Variants in PTPRD observed in about 807,000 individuals in gnomAD.
PTPRD encodes receptor-type tyrosine-protein phosphatase delta.
In PTPRD, 34 loss-of-function variants were observed where a neutral mutation model predicts 214.5. That is an observed-to-expected ratio of 0.16 (90% CI 0.12 to 0.21). PTPRD has a LOEUF of 0.21. PTPRD is among the 10% of genes least tolerant of loss of function. The pLI is 1.00. For missense variants in PTPRD, 2,545 were observed against 2,398.7 expected (o/e 1.06, Z -1.27); for synonymous variants, 1,128 against 845.7 (o/e 1.33, Z -5.79).
chr9:9,089,244 T>G (rs749695558), intron 10 of PTPRD, among the ~76,000 whole-genome samples: 6 of 152,178 alleles, frequency 3.9e-5, no homozygotes, highest in Admixed American at 3.9e-4. Flanking sequence ...GAATAAATAT[T>G]TTAGGCCTTA....
intron 3 of PTPRD, among the ~76,000 whole-genome samples, chr9:10,178,263 A>C (rs2099261073): frequency 6.6e-6 from 1 of 151,922 alleles, no homozygotes; most frequent in African/African-American, 2.4e-5. Context: ...ACTCACTTAG[A>C]GGTATAAAAT....
At chr9:8,762,310 A>C (rs1264956685) in intron 11 of PTPRD, among the ~76,000 whole-genome samples, 1 of 152,218 alleles carries the variant, frequency 6.6e-6, no homozygotes, top group African/African-American at 2.4e-5. Context: ...TCCTACTGAC[A>C]GTATAAAAGA....
intron 2 of PTPRD, among the ~76,000 whole-genome samples, chr9:10,585,543 A>C (rs115996260): frequency 6.6e-6 from 1 of 152,104 alleles, no homozygotes; most frequent in Non-Finnish European, 1.5e-5. Flanking sequence ...TGGTGGGGAA[A>C]TCTCACATCA....
At chr9:8,642,965 G>A (rs958287714) in intron 12 of PTPRD, among the ~76,000 whole-genome samples, 1 of 152,110 alleles carries the variant, frequency 6.6e-6, no homozygotes, top group African/African-American at 2.4e-5. Context: ...GATACCACCT[G>A]GGGTAGCTTC....
At chr9:9,161,967 A>AT (rs757926109) in intron 10 of PTPRD, among the ~76,000 whole-genome samples, 67 of 151,586 alleles carry the variant, frequency 4.4e-4, no homozygotes, top group Middle Eastern at 3.4e-3. Context: ...TCATTTTAAG[A>AT]TTTTTTTTTG....
chr9:10,566,692 A>T (rs960383624), intron 2 of PTPRD, among the ~76,000 whole-genome samples: 1 of 151,938 alleles, frequency 6.6e-6, no homozygotes, highest in Non-Finnish European at 1.5e-5. Context: ...TTTTAATGCA[A>T]CTGAAGTCAG....
At chr9:8,988,889 A>G (rs1380179278) in intron 11 of PTPRD, among the ~76,000 whole-genome samples, 1 of 152,138 alleles carries the variant, frequency 6.6e-6, no homozygotes, top group Non-Finnish European at 1.5e-5. Context: ...TAGAGATATC[A>G]TTCAGAAGAA....
intron 39 of PTPRD, among the ~76,000 whole-genome samples, chr9:8,359,612 G>C (rs1588621478): frequency 1.3e-5 from 2 of 152,174 alleles, no homozygotes; most frequent in East Asian, 3.9e-4. Context: ...AGGATTATAG[G>C]CGTGAGCCAC....
chr9:9,220,643 G>A (rs1006925051), intron 9 of PTPRD, among the ~76,000 whole-genome samples: 4 of 152,016 alleles, frequency 2.6e-5, no homozygotes, highest in Non-Finnish European at 4.4e-5. Flanking sequence ...TTTGCATTTC[G>A]GGGGGTTGAA....
intron 6 of PTPRD, among the ~76,000 whole-genome samples, chr9:9,764,029 C>T (rs938012612): frequency 2.0e-5 from 3 of 152,054 alleles, no homozygotes; most frequent in Non-Finnish European, 4.4e-5. Flanking sequence ...ACCCCCATTC[C>T]TTGAGCACCT....
At chr9:8,340,532 T>C (rs1255820502) in intron 41 of PTPRD, 63 bp from the exon 42 acceptor site, 2 of 1,436,388 alleles carry the variant, frequency 1.4e-6, no homozygotes, top group Admixed American at 4.1e-5. Flanking sequence ...AAGCTCACAC[T>C]GGATACATAA....
At chr9:8,439,571 A>G (rs1414535250) in intron 34 of PTPRD, among the ~76,000 whole-genome samples, 1 of 152,178 alleles carries the variant, frequency 6.6e-6, no homozygotes, top group Non-Finnish European at 1.5e-5. Context: ...GTCTATTATG[A>G]TGTTATATCA....
At chr9:10,463,979 C>T (rs2098976384) in intron 2 of PTPRD, among the ~76,000 whole-genome samples, 1 of 152,092 alleles carries the variant, frequency 6.6e-6, no homozygotes, top group Non-Finnish European at 1.5e-5. Context: ...TTACTATACA[C>T]CAAAATCAGG....
At chr9:9,785,724 G>A (rs1312687765) in intron 5 of PTPRD, among the ~76,000 whole-genome samples, 3 of 152,012 alleles carry the variant, frequency 2.0e-5, no homozygotes, top group African/African-American at 7.2e-5. Flanking sequence ...TTCCAATAAT[G>A]TCTCATATTA....
chr9:9,994,105 C>T (rs2096045229), intron 4 of PTPRD, among the ~76,000 whole-genome samples: 1 of 152,128 alleles, frequency 6.6e-6, no homozygotes, highest in Non-Finnish European at 1.5e-5. Flanking sequence ...CAGATGATAG[C>T]TAGTAAGTAA....
At chr9:8,489,177 G>C (rs879883629) in intron 27 of PTPRD, among the ~76,000 whole-genome samples, 1 of 152,100 alleles carries the variant, frequency 6.6e-6, no homozygotes, top group Non-Finnish European at 1.5e-5. Flanking sequence ...GCAAAGTCTA[G>C]GAAAAAACCC....
chr9:9,267,480 A>C (rs1569566143), intron 9 of PTPRD, among the ~76,000 whole-genome samples: 1 of 151,288 alleles, frequency 6.6e-6, no homozygotes, highest in Non-Finnish European at 1.5e-5. Context: ...CATTTAACAG[A>C]ATTAACACTA....
At chr9:9,147,698 T>C (rs573352865) in intron 10 of PTPRD, among the ~76,000 whole-genome samples, 52 of 152,248 alleles carry the variant, frequency 3.4e-4, no homozygotes, top group African/African-American at 1.2e-3. Context: ...AGACCATATG[T>C]CCCACAAAGT....
chr9:8,350,028 G>C (rs2074997603), intron 39 of PTPRD, among the ~76,000 whole-genome samples: 1 of 151,596 alleles, frequency 6.6e-6, no homozygotes, highest in Non-Finnish European at 1.5e-5. Context: ...ATGCCTACTA[G>C]GAAATTGTTA....
Sources: allele counts gnomAD v4.1 joint callset (sites outside exome capture counted in the v4.1 genomes callset), GRCh38; gene constraint gnomAD v4.1.1; transcripts MANE v1.5; gene names NCBI Gene and HGNC (gene_info 2026-07-23, HGNC 2026-07-21).